NPC1: variants seen among roughly 807,000 people sequenced by gnomAD.
The protein encoded by NPC1 is Niemann-Pick C1 protein.
In NPC1, 85 loss-of-function variants were observed where a neutral mutation model predicts 140.4. The observed-to-expected ratio is 0.61, with a 90% confidence interval of 0.51 to 0.72. NPC1 has a LOEUF of 0.72. NPC1 is among the 30% of genes least tolerant of loss of function. NPC1 has a pLI of 0.00. For missense variants in NPC1, 1,504 were observed against 1,623.8 expected (o/e 0.93, Z 1.27); for synonymous variants, 656 against 624.8 (o/e 1.05, Z -0.74).
rs760542890 is a variant in NPC1, at chr18:23,543,435, A to G, written c.2245+20T>C. ...AGGCTCAGCAGACTACAGGACTGGTAGGATTGAAAGCATAATTACCTAAGA... is the reference window on the plus strand; with the variant it reads ...AGGCTCAGCAGACTACAGGACTGGTGGGATTGAAAGCATAATTACCTAAGA... On this transcript the variant is annotated intron_variant, in intron 14 of 24. Transcript: ENST00000269228. 1.5e-6 allele frequency: 2 copies of G among 1,372,118 alleles called. No homozygotes were observed. Among genetic ancestry groups the G allele is most frequent in the African/African-American group, 2.8e-5 (2 of 70,476 alleles). 85.0% of individuals were successfully genotyped at this position (1,372,118 alleles called of 1,614,324 possible). A position where few individuals can be genotyped will look rare whatever the true frequency, so the allele number is the denominator to read the frequency against.
chr18:23,519,054 C>G (rs565745807), downstream of NPC1: 6 of 1,613,164 alleles, frequency 3.7e-6, no homozygotes, highest in Non-Finnish European at 5.1e-6. Flanking sequence ...CTGTTTTTTG[C>G]TTTCTATCCT....
At chr18:23,552,822 G>A (rs1458101684) in intron 9 of NPC1, among the ~76,000 whole-genome samples, 1 of 152,228 alleles carries the variant, frequency 6.6e-6, no homozygotes, top group African/African-American at 2.4e-5. Context: ...AGAAATCTGA[G>A]AGAGCATCCA....
chr18:23,506,737 C>G, intron 3 of NPC1: 1 of 400,458 alleles, frequency 2.5e-6, no homozygotes, highest in Non-Finnish European at 4.6e-6. Flanking sequence ...TGTGTGTGAT[C>G]TGAATTCTTC....
At chr18:23,543,718 C>A in intron 13 of NPC1, 149 bp from the exon 14 acceptor site, 1 of 637,752 alleles carries the variant, frequency 1.6e-6, no homozygotes, top group Non-Finnish European at 2.8e-6. Context: ...CGGTGGGGGA[C>A]TCCAATGTTC....
At chr18:23,566,115 T>C (rs1332898165) in intron 4 of NPC1, among the ~76,000 whole-genome samples, 1 of 152,040 alleles carries the variant, frequency 6.6e-6, no homozygotes, top group Non-Finnish European at 1.5e-5. Context: ...AAAAAAATAA[T>C]GGACTCGGCC....
intron 4 of NPC1, among the ~76,000 whole-genome samples, chr18:23,565,229 C>CTA (rs1485536134): frequency 6.6e-6 from 1 of 152,202 alleles, no homozygotes. Flanking sequence ...TGCCCTGAAT[C>CTA]TATAAAACAA....
rs775714630 is a variant in NPC1 at position 23,551,705 on chromosome 18, T to A, written c.1576A>T (p.Thr526Ser). Reference protein sequence around the residue: ...CVRAPASLNDTSLLHDPCLGT... With the variant: ...CVRAPASLNDSSLLHDPCLGT... ...AGACAAGGGTCATGGAGCAAACTTGTATCATTCAGAGAGGCAGGAGCCCTG... is the reference window on the plus strand; with the variant it reads ...AGACAAGGGTCATGGAGCAAACTTGAATCATTCAGAGAGGCAGGAGCCCTG... The change falls in exon 10 of 25, where the codon ACA (threonine) becomes TCA (serine). Residue 526 changes from threonine to serine, a missense_variant. Physicochemically the swap from Thr to Ser is moderately conservative, Grantham distance 58. Transcript: ENST00000269228. 1.1e-5 allele frequency: 17 copies of A among 1,614,020 alleles called. No individual in the cohort carries two copies. Among genetic ancestry groups the A allele is most frequent in the Non-Finnish European group, 1.4e-5 (16 of 1,180,000 alleles).
chr18:23,574,643 A>C (rs978515776), intron 1 of NPC1, among the ~76,000 whole-genome samples: 1 of 152,204 alleles, frequency 6.6e-6, no homozygotes, highest in African/African-American at 2.4e-5. Flanking sequence ...ATGTGTGGGG[A>C]AATCCAAGGC....
rs994826601 is a variant in NPC1 at position 23,586,457 on chromosome 18, C to G, written c.-114G>C. 5 of 1,486,200 alleles carry G rather than the reference C, an allele frequency of 3.4e-6. No homozygotes were observed. The highest frequency in any genetic ancestry group is 3.6e-6 in the Non-Finnish European group (4 of 1,125,036). 92.1% of individuals were successfully genotyped at this position (1,486,200 alleles called of 1,614,324 possible). A position where few individuals can be genotyped will look rare whatever the true frequency, so the allele number is the denominator to read the frequency against. On this transcript the variant is annotated 5_prime_UTR_variant, in exon 1 of 25. Transcript: ENST00000269228. ...ACCCCGCGCAGGAGGAGCGGAGGAGCAGGAGCAGGCGCTGACCGCGGCAGC... is the reference window on the plus strand; with the variant it reads ...ACCCCGCGCAGGAGGAGCGGAGGAGGAGGAGCAGGCGCTGACCGCGGCAGC...
intron 3 of NPC1, among the ~76,000 whole-genome samples, chr18:23,512,599 C>CTTT (rs761104196): frequency 7.0e-6 from 1 of 141,894 alleles, no homozygotes. Flanking sequence ...TTTTTTTTTC[C>CTTT]TTTTTTTTTT....
Position 23,541,444 on chromosome 18 carries a change from G to C in NPC1, c.2246-11C>G, listed in dbSNP as rs778221184. ...TCACGGACAATGCTCCTGTCGGGGA[G>C]AGAAGGGCTCTGCGTCACTTCTGTT... On this transcript the variant is annotated splice_polypyrimidine_tract_variant and intron_variant, in intron 14 of 24. Transcript: ENST00000269228. 4.3e-6 allele frequency: 7 copies of C among 1,614,200 alleles called. No individual in the cohort carries two copies. Among genetic ancestry groups the C allele is most frequent in the Middle Eastern group, 1.7e-4 (1 of 6,054 alleles).
At chr18:23,538,864 A>G (rs1045249985) in intron 19 of NPC1, 193 bp from the exon 20 acceptor site, 10 of 633,460 alleles carry the variant, frequency 1.6e-5, no homozygotes, top group Non-Finnish European at 2.7e-5. Context: ...TGAATCTGAA[A>G]TACCATTTTC....
downstream of NPC1, chr18:23,529,848 T>G: frequency 9.4e-7 from 1 of 1,061,678 alleles, no homozygotes. Context: ...ACTCCTGACA[T>G]TATTAGTTGG....
At chr18:23,573,091 C>T in intron 2 of NPC1, among the ~76,000 whole-genome samples, 1 of 152,160 alleles carries the variant, frequency 6.6e-6, no homozygotes, top group East Asian at 1.9e-4. Context: ...GTCAAAGCCA[C>T]TTAGCAACAG....
downstream of NPC1, chr18:23,527,838 T>G (rs1377045308): frequency 1.5e-5 from 25 of 1,614,172 alleles, no homozygotes; most frequent in Non-Finnish European, 2.1e-5. Flanking sequence ...TGATAGCCAC[T>G]GTTTTTGATA....
chr18:23,581,297 G>A (rs997273846), intron 1 of NPC1, among the ~76,000 whole-genome samples: 3 of 152,220 alleles, frequency 2.0e-5, no homozygotes, highest in African/African-American at 7.2e-5. Context: ...CCACACTGGG[G>A]ACGGAACCAG....
In NPC1 at chr18:23,524,101, C is replaced by T. The variant is rs531155366; in HGVS notation, c.164-1195G>A. 2.1e-5 allele frequency: 34 copies of T among 1,613,164 alleles called. No individual in the cohort carries two copies. The Admixed American group carries it at 2.2e-4, about 10-fold the overall frequency. On this transcript the variant is annotated intron_variant, in intron 1 of 1. Transcript: ENST00000590723. ...CATTTGCAGCATTTTCTGACTGCATCGTTGCACTTATGTTTTCTCAATTTG... is the reference window on the plus strand; with the variant it reads ...CATTTGCAGCATTTTCTGACTGCATTGTTGCACTTATGTTTTCTCAATTTG...
intron 20 of NPC1, 69 bp from the exon 21 acceptor site, chr18:23,536,945 G>A: frequency 1.5e-6 from 2 of 1,317,562 alleles, no homozygotes; most frequent in Non-Finnish European, 2.2e-6. Flanking sequence ...CTGAGCACTT[G>A]AGGCTAAGCA....
At chr18:23,508,208 G>A (rs974123911) in intron 3 of NPC1, among the ~76,000 whole-genome samples, 1 of 152,162 alleles carries the variant, frequency 6.6e-6, no homozygotes, top group African/African-American at 2.4e-5. Flanking sequence ...TTGTGACACT[G>A]AACAGTTTTC....
Sources: gnomAD v4.1 joint callset for allele counts (sites outside exome capture counted in the v4.1 genomes callset) on GRCh38, gnomAD v4.1.1 for gene constraint, MANE v1.5 for transcripts, NCBI Gene and HGNC (gene_info 2026-07-23, HGNC 2026-07-21) for gene names.